Variants in ZBTB7C observed in about 807,000 individuals in gnomAD.
ZBTB7C encodes zinc finger and BTB domain-containing protein 7C.
ZBTB7C carries 8 observed loss-of-function variants against 25.7 expected under a neutral mutation model. The ratio of observed to expected loss-of-function variants is 0.31; its 90% CI spans 0.18 to 0.56. ZBTB7C has a LOEUF of 0.56. Ranked by LOEUF, ZBTB7C falls within the 20% of genes least tolerant of loss-of-function variation. ZBTB7C has a pLI of 0.91. For missense variants in ZBTB7C, 824 were observed against 855.2 expected (o/e 0.96, Z 0.46); for synonymous variants, 394 against 369.0 (o/e 1.07, Z -0.78).
At chr18:48,203,156 G>T (rs1259333837) in intron 2 of ZBTB7C, among the ~76,000 whole-genome samples, 1 of 152,100 alleles carries the variant, frequency 6.6e-6, no homozygotes, top group African/African-American at 2.4e-5. Flanking sequence ...CCCCTTTTCT[G>T]CCCGGGGCCT....
chr18:48,095,150 T>C (rs1045956302), intron 3 of ZBTB7C, among the ~76,000 whole-genome samples: 1 of 152,192 alleles, frequency 6.6e-6, no homozygotes. Flanking sequence ...CCAAATGACA[T>C]GCATCAGAAC....
intron 3 of ZBTB7C, among the ~76,000 whole-genome samples, chr18:48,161,723 CA>C (rs1321349471): frequency 1.3e-4 from 19 of 148,356 alleles, no homozygotes; most frequent in South Asian, 4.3e-4. Context: ...CGCCCCGCCC[CA>C]GCCCCGCCCC....
At chr18:48,104,187 G>A (rs1323251739) in intron 3 of ZBTB7C, among the ~76,000 whole-genome samples, 1 of 152,186 alleles carries the variant, frequency 6.6e-6, no homozygotes, top group Admixed American at 6.5e-5. Flanking sequence ...ATTTGGGTCA[G>A]GGGACAGATC....
intron 2 of ZBTB7C, among the ~76,000 whole-genome samples, chr18:48,253,951 T>A (rs538507081): frequency 6.6e-6 from 1 of 152,196 alleles, no homozygotes; most frequent in African/African-American, 2.4e-5. Flanking sequence ...TTGCTTGTTT[T>A]TTAGATCCTA....
At chr18:48,048,196 G>A (rs552731570) in intron 3 of ZBTB7C, among the ~76,000 whole-genome samples, 21 of 146,874 alleles carry the variant, frequency 1.4e-4, no homozygotes, top group East Asian at 4.0e-4. Context: ...GAAAGGTACC[G>A]ATCCCTGTGG....
At chr18:48,193,599 G>A (rs1432523502) in intron 2 of ZBTB7C, among the ~76,000 whole-genome samples, 1 of 152,188 alleles carries the variant, frequency 6.6e-6, no homozygotes, top group Admixed American at 6.5e-5. Flanking sequence ...GTTAATGGGG[G>A]CACTTGCCGC....
At chr18:48,251,244 A>G (rs1234088052) in intron 2 of ZBTB7C, among the ~76,000 whole-genome samples, 1 of 152,102 alleles carries the variant, frequency 6.6e-6, no homozygotes, top group Non-Finnish European at 1.5e-5. Context: ...TAAAGAAATA[A>G]AGAATATAAA....
intron 3 of ZBTB7C, among the ~76,000 whole-genome samples, chr18:48,155,414 G>A (rs558052091): frequency 3.2e-5 from 4 of 126,964 alleles, no homozygotes; most frequent in South Asian, 5.5e-4. Flanking sequence ...TGCAAGCTCC[G>A]CCCCCCGGGT....
intron 2 of ZBTB7C, among the ~76,000 whole-genome samples, chr18:48,255,464 A>T (rs2043993725): frequency 6.6e-6 from 1 of 152,222 alleles, no homozygotes; most frequent in Non-Finnish European, 1.5e-5. Context: ...ACCAAAATGG[A>T]GTGTAACTCA....
At chr18:48,044,919 T>A (rs188502305) in intron 3 of ZBTB7C, among the ~76,000 whole-genome samples, 25 of 152,342 alleles carry the variant, frequency 1.6e-4, no homozygotes, top group African/African-American at 5.8e-4. Context: ...ATGAAGCCAC[T>A]AAGAGCTGAT....
chr18:48,283,272 A>G (rs1374278531), intron 2 of ZBTB7C, among the ~76,000 whole-genome samples: 1 of 152,198 alleles, frequency 6.6e-6, no homozygotes, highest in African/African-American at 2.4e-5. Context: ...CTAAATGTTG[A>G]GCAAATGTAC....
chr18:48,052,622 G>A (rs2036739541), intron 3 of ZBTB7C, among the ~76,000 whole-genome samples: 1 of 152,128 alleles, frequency 6.6e-6, no homozygotes, highest in Admixed American at 6.5e-5. Context: ...GAGAAAGGCC[G>A]GGAGCATGAG....
At chr18:48,085,816 A>G (rs1436169218) in intron 3 of ZBTB7C, among the ~76,000 whole-genome samples, 1 of 152,076 alleles carries the variant, frequency 6.6e-6, no homozygotes, top group African/African-American at 2.4e-5. Flanking sequence ...ATCTTCAGAG[A>G]CCCCTCCCTG....
chr18:48,064,956 C>T (rs924449877), intron 3 of ZBTB7C, among the ~76,000 whole-genome samples: 6 of 152,192 alleles, frequency 3.9e-5, no homozygotes, highest in African/African-American at 1.4e-4. Flanking sequence ...TAAGCTCCCA[C>T]CACTCCACTC....
chr18:48,108,271 C>T (rs919327197), intron 3 of ZBTB7C, among the ~76,000 whole-genome samples: 2 of 152,202 alleles, frequency 1.3e-5, no homozygotes, highest in Non-Finnish European at 2.9e-5. Context: ...CCTCTCTTCT[C>T]TATACCAGGG....
intron 2 of ZBTB7C, among the ~76,000 whole-genome samples, chr18:48,227,035 A>AAAG (rs1462733780): frequency 3.3e-5 from 5 of 150,710 alleles, no homozygotes; most frequent in Admixed American, 1.3e-4. Context: ...AAAAAAAAAA[A>AAAG]AAAGAAAAAG....
Position 48,167,597 on chromosome 18 carries a change from T to C in ZBTB7C, c.-17+18337A>G, listed in dbSNP as rs9945982. On this transcript the variant is annotated intron_variant, in intron 3 of 4. Coordinates refer to ENST00000590800, the MANE Select transcript of ZBTB7C (RefSeq NM_001318841.2). ...GTGTGTGTGTGTGTGTGTGTGTGTG[T>C]GCGCGCGTGCACACGCGCATGCGCC... Among the ~76,000 whole-genome samples the C allele has an allele frequency of 5.9e-3, 870 of 148,140 alleles. 4 individuals carry two copies. Among genetic ancestry groups the C allele is most frequent in the African/African-American group, 0.019 (780 of 40,540 alleles).
chr18:48,270,332 A>G (rs1387176338), intron 2 of ZBTB7C, among the ~76,000 whole-genome samples: 3 of 134,584 alleles, frequency 2.2e-5, no homozygotes, highest in Admixed American at 8.9e-5. Flanking sequence ...ATCTCAGCTC[A>G]CTGCAACCTC....
In ZBTB7C at chr18:48,040,225, C is replaced by G. The variant is rs1209963470; in HGVS notation, c.883G>C (p.Glu295Gln). Residue 295 changes from glutamate to glutamine, a missense_variant, in exon 4 of 5, where the codon GAG becomes CAG. By Grantham distance (29) the Glu-to-Gln change is conservative (BLOSUM62 2). Around this residue, in one of 4 missense-constraint regions of ZBTB7C, gnomAD observed 316 missense variants for 299.2 expected, o/e 1.06. Transcript: ENST00000590800. ...GGCGGTGGGGGTGGGGGCAGCTCCT[C>G]CTTCTCCTCCTCCTTGATCTTCCGA... Reference protein sequence around the residue: ...KNRKIKEEEKEELPPPPPPPF... With the variant: ...KNRKIKEEEKQELPPPPPPPF... 6.4e-7 allele frequency: 1 copy of G among 1,569,926 alleles called. No homozygotes were observed. The highest frequency in any genetic ancestry group is 8.6e-7 in the Non-Finnish European group (1 of 1,160,062).
Sources: gnomAD v4.1 joint callset for allele counts (sites outside exome capture counted in the v4.1 genomes callset) on GRCh38, gnomAD v4.1.1 for gene constraint, gnomAD v4.1.1 regional missense constraint, MANE v1.5 for transcripts, NCBI Gene and HGNC (gene_info 2026-07-23, HGNC 2026-07-21) for gene names.